Variants in ETV6 observed in about 807,000 individuals in gnomAD.
ETV6 encodes transcription factor ETV6.
Under a neutral mutation model 51.1 loss-of-function variants are expected in ETV6, and 16 were observed. The ratio of observed to expected loss-of-function variants is 0.31; its 90% confidence interval spans 0.21 to 0.48. ETV6 has a LOEUF of 0.48. Among genes scored for constraint, ETV6 ranks in the 20% least tolerant of loss-of-function variants. The pLI, the probability that ETV6 is intolerant of heterozygous loss-of-function variation, is 0.99. For missense variants in ETV6, 458 were observed against 594.8 expected (o/e 0.77, Z 2.39); for synonymous variants, 240 against 224.1 (o/e 1.07, Z -0.64).
At chr12:11,841,238 T>C (rs1275427913) in intron 3 of ETV6, among the ~76,000 whole-genome samples, 1 of 152,242 alleles carries the variant, frequency 6.6e-6, no homozygotes, top group Non-Finnish European at 1.5e-5. Context: ...CGCAGTTCCT[T>C]GCCACTTTGT....
intron 2 of ETV6, among the ~76,000 whole-genome samples, chr12:11,815,358 A>G (rs1945975476): frequency 6.6e-6 from 1 of 152,216 alleles, no homozygotes; most frequent in South Asian, 2.1e-4. Context: ...TGCCCATCAT[A>G]CCCTAATAGA....
intron 7 of ETV6, among the ~76,000 whole-genome samples, chr12:11,888,613 C>T (rs1014175256): frequency 2.6e-5 from 4 of 152,108 alleles, no homozygotes; most frequent in African/African-American, 9.7e-5. Context: ...ATGTTGGCCA[C>T]TCTTGTCTCA....
intron 1 of ETV6, among the ~76,000 whole-genome samples, chr12:11,701,628 A>G (rs1161572822): frequency 6.6e-6 from 1 of 152,196 alleles, no homozygotes; most frequent in African/African-American, 2.4e-5. Flanking sequence ...GCTGAGTAGC[A>G]AAACTGAGGC....
chr12:11,886,109 G>C, intron 7 of ETV6, 83 bp downstream of exon 7: 1 of 954,282 alleles, frequency 1.0e-6, no homozygotes, highest in East Asian at 2.4e-5. Context: ...AGACTGTTAA[G>C]ATCTCTACCT....
intron 4 of ETV6, among the ~76,000 whole-genome samples, chr12:11,862,382 T>C (rs1441840415): frequency 2.0e-5 from 3 of 151,968 alleles, no homozygotes; most frequent in African/African-American, 7.3e-5. Flanking sequence ...GAGTAGGGGG[T>C]GTATTAGTTA....
In ETV6 at chr12:11,893,765, CTT is replaced by C; in HGVS notation, c.*2721_*2722del. 5.9e-6 allele frequency: 1 copy of C among 170,034 alleles called. No homozygotes were observed. Among genetic ancestry groups the C allele is most frequent in the Non-Finnish European group, 1.2e-5 (1 of 85,494 alleles). The allele number at this position is 170,034 out of a possible 1,614,324, so 10.5% of individuals were successfully genotyped here. The stretch of plus-strand genomic sequence containing the variant: ...GCCATAAATGAATTTTGTGTTTAGA[CTT>C]TGTGTCCATCCCCAAGATCTCTCAT... On this transcript the variant is annotated 3_prime_UTR_variant, in exon 8 of 8. Transcript: ENST00000396373.
intron 3 of ETV6, among the ~76,000 whole-genome samples, chr12:11,851,758 T>A (rs1946559263): frequency 6.6e-6 from 1 of 152,096 alleles, no homozygotes; most frequent in South Asian, 2.1e-4. Context: ...ATTTCAAAGG[T>A]AGAGGTAGGA....
intron 4 of ETV6, among the ~76,000 whole-genome samples, chr12:11,863,631 C>A (rs1465032020): frequency 6.6e-6 from 1 of 152,152 alleles, no homozygotes; most frequent in East Asian, 1.9e-4. Flanking sequence ...GACATCAAGG[C>A]CAGACCAAAA....
intron 1 of ETV6, among the ~76,000 whole-genome samples, chr12:11,749,136 A>G (rs1350758722): frequency 6.6e-6 from 1 of 152,154 alleles, no homozygotes; most frequent in Admixed American, 6.5e-5. Context: ...CAATAATGTA[A>G]CCACATCACG....
rs919744723 is a variant in ETV6, at chr12:11,893,244, G to T, written c.*2198G>T. On this transcript the variant is annotated 3_prime_UTR_variant, in exon 8 of 8. Coordinates refer to ENST00000396373, the MANE Select transcript of ETV6 (RefSeq NM_001987.5). ...AATGGAGAGAAAGGGATTTTTTACT[G>T]CATCCCTCTGTATGAATATGAAATC... 3 of 232,330 alleles carry T rather than the reference G, an allele frequency of 1.3e-5. No individual in the cohort carries two copies. The highest frequency in any genetic ancestry group is 6.6e-5 in the African/African-American group (3 of 45,268). The allele number at this position is 232,330 out of a possible 1,614,324, so 14.4% of individuals were successfully genotyped here.
intron 5 of ETV6, among the ~76,000 whole-genome samples, chr12:11,870,371 C>T (rs1946862340): frequency 6.6e-6 from 1 of 152,102 alleles, no homozygotes; most frequent in African/African-American, 2.4e-5. Context: ...CCTGTAATTC[C>T]ATCCTGTGAG....
At chr12:11,734,036 T>C (rs1865654754) in intron 1 of ETV6, among the ~76,000 whole-genome samples, 1 of 152,248 alleles carries the variant, frequency 6.6e-6, no homozygotes, top group Non-Finnish European at 1.5e-5. Context: ...TCTAGATAGA[T>C]GGATTATCTG....
chr12:11,766,713 T>C (rs1196355658), intron 2 of ETV6, among the ~76,000 whole-genome samples: 1 of 151,746 alleles, frequency 6.6e-6, no homozygotes, highest in Non-Finnish European at 1.5e-5. Flanking sequence ...ATGACCTCTT[T>C]CCTTCCCCTT....
At chr12:11,708,473 C>G (rs1468994821) in intron 1 of ETV6, among the ~76,000 whole-genome samples, 1 of 152,168 alleles carries the variant, frequency 6.6e-6, no homozygotes, top group African/African-American at 2.4e-5. Flanking sequence ...TGAGGTGCCA[C>G]CTCCCTGGGA....
At chr12:11,793,615 T>A (rs557345053) in intron 2 of ETV6, among the ~76,000 whole-genome samples, 1 of 152,314 alleles carries the variant, frequency 6.6e-6, no homozygotes, top group South Asian at 2.1e-4. Context: ...CAGCTAGGAT[T>A]CAACCCAGGT....
rs1947318173 is a variant in ETV6, at chr12:11,892,954, A to T, written c.*1908A>T. 1 of 233,134 alleles carries T rather than the reference A, an allele frequency of 4.3e-6. No individual in the cohort carries two copies. The allele number at this position is 233,134 out of a possible 1,614,324, so 14.4% of individuals were successfully genotyped here. ...TCAGAGCACAGGTAGACACACGGGC[A>T]TAGCCAGCCCACTCCTACTGTCACA... On this transcript the variant is annotated 3_prime_UTR_variant, in exon 8 of 8. Transcript: ENST00000396373.
At chr12:11,723,634 C>T (rs950191657) in intron 1 of ETV6, among the ~76,000 whole-genome samples, 3 of 151,770 alleles carry the variant, frequency 2.0e-5, no homozygotes, top group African/African-American at 4.9e-5. Flanking sequence ...ACTTGAATCT[C>T]GTTATCCTTA....
intron 4 of ETV6, among the ~76,000 whole-genome samples, chr12:11,853,890 C>T (rs1359655564): frequency 1.3e-5 from 2 of 152,190 alleles, no homozygotes; most frequent in African/African-American, 4.8e-5. Flanking sequence ...TAGAGCAGTG[C>T]TCCCCACCCT....
At chr12:11,858,066 T>C (rs1946658653) in intron 4 of ETV6, among the ~76,000 whole-genome samples, 1 of 152,262 alleles carries the variant, frequency 6.6e-6, no homozygotes, top group Non-Finnish European at 1.5e-5. Flanking sequence ...CTTCAGATAA[T>C]GTTGCCCCTC....
Sources: allele counts gnomAD v4.1 joint callset (sites outside exome capture counted in the v4.1 genomes callset), GRCh38; gene constraint gnomAD v4.1.1; transcripts MANE v1.5; gene names NCBI Gene and HGNC (gene_info 2026-07-23, HGNC 2026-07-21).